The following NR6A1 variants were observed in gnomAD, a reference collection of about 807,000 sequenced individuals.
NR6A1 encodes nuclear receptor subfamily 6 group A member 1, also known as retinoic acid receptor-related testis-associated receptor.
A neutral mutation model predicts 59.1 loss-of-function variants in NR6A1; 7 were observed. The observed-to-expected ratio is 0.12, with a 90% CI of 0.07 to 0.22. NR6A1 has a LOEUF of 0.22. Among genes scored for constraint, NR6A1 ranks in the 10% least tolerant of loss-of-function variants. The pLI is 1.00. For synonymous variants in NR6A1, 243 were observed against 236.1 expected (o/e 1.03, Z -0.27); for missense variants, 468 against 611.6 (o/e 0.77, Z 2.48).
At chr9:124,606,904 G>A (rs1835590850) in intron 2 of NR6A1, among the ~76,000 whole-genome samples, 2 of 152,116 alleles carry the variant, frequency 1.3e-5, no homozygotes, top group African/African-American at 4.8e-5. Context: ...CCCTTTCTGT[G>A]TATATTCACT....
intron 2 of NR6A1, among the ~76,000 whole-genome samples, chr9:124,654,015 AC>A (rs980699557): frequency 4.6e-5 from 7 of 152,214 alleles, no homozygotes; most frequent in African/African-American, 1.7e-4. Context: ...GCAAAACCCT[AC>A]CCAGGCAACA....
At chr9:124,628,591 C>G (rs1057043388) in intron 2 of NR6A1, among the ~76,000 whole-genome samples, 3 of 151,562 alleles carry the variant, frequency 2.0e-5, no homozygotes, top group Non-Finnish European at 4.4e-5. Flanking sequence ...ATCCGTCCGC[C>G]TTGGCTCCCA....
chr9:124,662,406 C>T (rs1367154786), intron 2 of NR6A1, among the ~76,000 whole-genome samples: 3 of 152,034 alleles, frequency 2.0e-5, no homozygotes. Context: ...TAATTTACCC[C>T]TCTGAAACTT....
At chr9:124,599,194 G>A (rs1037953022) in intron 2 of NR6A1, 6 of 517,194 alleles carry the variant, frequency 1.2e-5, no homozygotes, top group African/African-American at 5.8e-5. Context: ...TGTAATCCCA[G>A]CACTCTGGGA....
chr9:124,631,704 G>A (rs1213079355), intron 2 of NR6A1, among the ~76,000 whole-genome samples: 3 of 152,036 alleles, frequency 2.0e-5, no homozygotes, highest in African/African-American at 7.3e-5. Flanking sequence ...AGAATGTGCT[G>A]GTTTGTTACA....
intron 2 of NR6A1, among the ~76,000 whole-genome samples, chr9:124,618,887 G>T (rs1835978604): frequency 6.6e-6 from 1 of 152,156 alleles, no homozygotes; most frequent in African/African-American, 2.4e-5. Flanking sequence ...GCAGAGTTGA[G>T]GTGGTAGGAG....
intron 2 of NR6A1, among the ~76,000 whole-genome samples, chr9:124,568,560 T>G (rs1469808579): frequency 6.6e-6 from 1 of 151,874 alleles, no homozygotes; most frequent in East Asian, 1.9e-4. Context: ...CAACCCATGC[T>G]TTCCAAATAA....
rs1179080559 is a variant in NR6A1, at chr9:124,540,090, G to A, written c.539C>T (p.Pro180Leu). Residue 180 changes from proline (P) to leucine (L), a missense_variant, in exon 5 of 10, where the codon CCT becomes CTT. Physicochemically the swap from Pro to Leu is moderately conservative, Grantham distance 98. Around this residue, in one of 4 missense-constraint regions of NR6A1, gnomAD observed 151 missense variants for 142.8 expected, o/e 1.06. Transcript: ENST00000487099. ...GTTGCTCTCCGAAGCCCTGTTCCCA[G>A]GGGAACTGTGGTCACTATCACCATG... Reference protein sequence around the residue: ...SNHGDSDHSSPGNRASESNQP... With the variant: ...SNHGDSDHSSLGNRASESNQP... The A allele has an allele frequency of 6.2e-7, 1 of 1,613,892 alleles. No individual in the cohort carries two copies. Among genetic ancestry groups the A allele is most frequent in the Non-Finnish European group, 8.5e-7 (1 of 1,179,904 alleles).
chr9:124,705,224 G>A (rs1290976563), intron 2 of NR6A1, among the ~76,000 whole-genome samples: 1 of 152,092 alleles, frequency 6.6e-6, no homozygotes, highest in Non-Finnish European at 1.5e-5. Flanking sequence ...TGCTGATGAA[G>A]TCTTTTATAT....
intron 2 of NR6A1, among the ~76,000 whole-genome samples, chr9:124,591,443 C>T (rs191107484): frequency 1.3e-5 from 2 of 152,202 alleles, no homozygotes; most frequent in African/African-American, 2.4e-5. Context: ...TGTAGCAAAG[C>T]CATATACGTA....
chr9:124,533,479 C>T (rs1195851598), intron 7 of NR6A1, among the ~76,000 whole-genome samples: 1 of 152,146 alleles, frequency 6.6e-6, no homozygotes, highest in African/African-American at 2.4e-5. Flanking sequence ...CAAGCTGACT[C>T]CTCCCTCCCC....
At chr9:124,532,457 C>G (rs1338459705) in intron 7 of NR6A1, among the ~76,000 whole-genome samples, 1 of 152,236 alleles carries the variant, frequency 6.6e-6, no homozygotes, top group African/African-American at 2.4e-5. Flanking sequence ...GCACTGTAAG[C>G]TGTATCTGCT....
intron 2 of NR6A1, among the ~76,000 whole-genome samples, chr9:124,712,911 C>T (rs778033869): frequency 6.6e-6 from 1 of 152,060 alleles, no homozygotes; most frequent in Non-Finnish European, 1.5e-5. Context: ...CTGAAAACAA[C>T]ACCACTCATG....
chr9:124,637,252 T>G (rs763214615), intron 2 of NR6A1, among the ~76,000 whole-genome samples: 1 of 152,138 alleles, frequency 6.6e-6, no homozygotes, highest in African/African-American at 2.4e-5. Context: ...TCTAAAAACA[T>G]TAGTAATTGT....
At chr9:124,676,065 G>T (rs1162250961) in intron 2 of NR6A1, among the ~76,000 whole-genome samples, 1 of 152,112 alleles carries the variant, frequency 6.6e-6, no homozygotes, top group Non-Finnish European at 1.5e-5. Flanking sequence ...GGTGTGAATT[G>T]CCCCTCTGTG....
chr9:124,751,979 T>C (rs1182970744), intron 1 of NR6A1, among the ~76,000 whole-genome samples: 1 of 152,150 alleles, frequency 6.6e-6, no homozygotes. Context: ...AATACAAAAT[T>C]AAATAAAACA....
At chr9:124,581,376 C>T (rs918436698) in intron 2 of NR6A1, among the ~76,000 whole-genome samples, 1 of 152,066 alleles carries the variant, frequency 6.6e-6, no homozygotes, top group African/African-American at 2.4e-5. Flanking sequence ...AGGCGGATCA[C>T]GAGGTCAAGA....
At chr9:124,747,767 G>A (rs972640355) in intron 1 of NR6A1, among the ~76,000 whole-genome samples, 4 of 151,940 alleles carry the variant, frequency 2.6e-5, no homozygotes, top group Non-Finnish European at 4.4e-5. Context: ...CAGTCCCCTC[G>A]AATAATATAG....
At chr9:124,580,200 C>G (rs1834721513) in intron 2 of NR6A1, among the ~76,000 whole-genome samples, 1 of 152,060 alleles carries the variant, frequency 6.6e-6, no homozygotes, top group Admixed American at 6.6e-5. Context: ...GTGAATGGAT[C>G]AACAAACATA....
Sources: allele counts gnomAD v4.1 joint callset (sites outside exome capture counted in the v4.1 genomes callset), GRCh38; gene constraint gnomAD v4.1.1; regional missense constraint gnomAD v4.1.1; transcripts MANE v1.5; gene names NCBI Gene and HGNC (gene_info 2026-07-23, HGNC 2026-07-21).